The following MIA3 variants were observed in gnomAD, a reference collection of about 807,000 sequenced individuals.
MIA3 encodes the protein transport and Golgi organization protein 1 homolog.
Under a neutral mutation model 192.4 loss-of-function variants are expected in MIA3, and 90 were observed. That is an observed-to-expected ratio of 0.47 (90% CI 0.39 to 0.56). The LOEUF (loss-of-function observed/expected upper bound fraction) is 0.56, where lower values mean the gene tolerates loss of function less well. MIA3 is among the 20% of genes least tolerant of loss of function. The pLI, the probability that MIA3 is intolerant of heterozygous loss-of-function variation, is 0.00. For synonymous variants in MIA3, 740 were observed against 792.8 expected (o/e 0.93, Z 1.12); for missense variants, 2,123 against 2,269.4 (o/e 0.94, Z 1.31).
intron 3 of MIA3, among the ~76,000 whole-genome samples, chr1:222,627,047 C>CA (rs1339674719): frequency 2.0e-5 from 3 of 152,060 alleles, no homozygotes; most frequent in Non-Finnish European, 4.4e-5. Flanking sequence ...CACCTGTGCT[C>CA]AAAACAAAAT....
chr1:222,635,422 G>T (rs115979891), intron 6 of MIA3, among the ~76,000 whole-genome samples: 1 of 152,180 alleles, frequency 6.6e-6, no homozygotes, highest in African/African-American at 2.4e-5. Context: ...ATATAAGGGC[G>T]CAGTGTTATA....
intron 6 of MIA3, among the ~76,000 whole-genome samples, chr1:222,633,808 T>C (rs564982594): frequency 6.6e-6 from 1 of 151,230 alleles, no homozygotes; most frequent in African/African-American, 2.4e-5. Flanking sequence ...AAAAGGTTAT[T>C]TGGGGAAGCC....
At position 222,666,341 on chromosome 1, in the gene MIA3, C is replaced by T. The variant is rs750293057; in HGVS notation, c.*722C>T. ...TTCCCACTTGTATAGCATTCACATG[C>T]TTTCTTTACGATCCTCATTGTCTAT... On this transcript the variant is annotated 3_prime_UTR_variant, in exon 28 of 28. Coordinates refer to ENST00000344922, the MANE Select transcript of MIA3 (RefSeq NM_198551.4). 3 of 152,144 alleles carry T rather than the reference C, an allele frequency of 2.0e-5. No homozygotes were observed. The highest frequency in any genetic ancestry group is 4.8e-5 in the African/African-American group (2 of 41,422). 9.4% of individuals were successfully genotyped at this position (152,144 alleles called of 1,614,324 possible).
At chr1:222,642,289 G>A (rs1662897131) in intron 6 of MIA3, among the ~76,000 whole-genome samples, 1 of 151,812 alleles carries the variant, frequency 6.6e-6, no homozygotes, top group African/African-American at 2.4e-5. Flanking sequence ...TTCCCTCAAA[G>A]CTGTAAAGAA....
Position 222,665,300 on chromosome 1 carries a change from G to A in MIA3, c.5414-9G>A. ...TAGGAATTTACTGGAAATAATTTTT[G>A]TTTTCCAGGCCCTGGTATGCGTCCA... On this transcript the variant is annotated splice_polypyrimidine_tract_variant and intron_variant, in intron 27 of 27. Transcript: ENST00000344922. The A allele has an allele frequency of 6.6e-7, 1 of 1,523,004 alleles. No homozygotes were observed. The highest frequency in any genetic ancestry group is 8.8e-7 in the Non-Finnish European group (1 of 1,134,942). The allele number at this position is 1,523,004 out of a possible 1,614,324, so 94.3% of individuals were successfully genotyped here.
At chr1:222,647,568 A>G (rs1455135727) in intron 7 of MIA3, among the ~76,000 whole-genome samples, 4 of 152,214 alleles carry the variant, frequency 2.6e-5, no homozygotes, top group African/African-American at 7.2e-5. Context: ...TTCTTCAGAT[A>G]AAAAGGGAGA....
At chr1:222,643,668 C>A (rs954349175) in intron 6 of MIA3, among the ~76,000 whole-genome samples, 1 of 152,050 alleles carries the variant, frequency 6.6e-6, no homozygotes, top group Non-Finnish European at 1.5e-5. Flanking sequence ...GTCATATAAC[C>A]TTAAGATGTG....
In MIA3 at chr1:222,629,234, A is replaced by C; in HGVS notation, c.2014A>C (p.Ser672Arg). 6.2e-7 allele frequency: 1 copy of C among 1,614,180 alleles called. No individual in the cohort carries two copies. Among genetic ancestry groups the C allele is most frequent in the Non-Finnish European group, 8.5e-7 (1 of 1,180,026 alleles). ...DVAATASKQM[S>R]EKIRLSEGEA... The stretch of plus-strand genomic sequence containing the variant: ...GGCTGCCACAGCCAGTAAGCAAATG[A>C]GTGAGAAGATAAGGCTCTCTGAGGG... The change falls in exon 4 of 28, where the codon AGT becomes CGT. Residue 672 changes from serine to arginine, a missense_variant. Around this residue, in one of 3 missense-constraint regions of MIA3, gnomAD observed 1,357 missense variants for 1,396.1 expected, o/e 0.97. Transcript: ENST00000344922.
Position 222,628,548 on chromosome 1 carries a change from G to C in MIA3, c.1328G>C (p.Gly443Ala), listed in dbSNP as rs1662232580. The stretch of plus-strand genomic sequence containing the variant: ...AGTGACCCTGACAATGTAGATGATG[G>C]TCTTTTTATTGTAGACATTCCTAAA... ...DYSDPDNVDD[G>A]LFIVDIPKTN... Residue 443 changes from glycine to alanine, a missense_variant, in exon 4 of 28, where the codon GGT (glycine) becomes GCT (alanine). Physicochemically the swap from Gly to Ala is moderately conservative, Grantham distance 60 (BLOSUM62 0). Around this residue, in one of 3 missense-constraint regions of MIA3, gnomAD observed 1,357 missense variants for 1,396.1 expected, o/e 0.97. Coordinates refer to ENST00000344922, the MANE Select transcript of MIA3 (RefSeq NM_198551.4). The C allele has an allele frequency of 6.2e-7, 1 of 1,614,178 alleles. No homozygotes were observed.
rs527835375 is a variant in MIA3 at position 222,630,210 on chromosome 1, G to T, written c.2990G>T (p.Arg997Leu). The change falls in exon 4 of 28, where the codon CGT (arginine) becomes CTT (leucine). Residue 997 changes from arginine (R) to leucine (L), a missense_variant. Coordinates refer to ENST00000344922, the MANE Select transcript of MIA3 (RefSeq NM_198551.4). ...ATAGCAGAAAAAATGCTTGATACTC[G>T]TGTGGCTGAAAATAGAGATCTGGGA... is the stretch of plus-strand genomic sequence containing the variant. ...LSIAEKMLDT[R>L]VAENRDLGMN... 14 of 1,614,168 alleles carry T rather than the reference G, an allele frequency of 8.7e-6. No individual in the cohort carries two copies. The highest frequency in any genetic ancestry group is 4.5e-5 in the East Asian group (2 of 44,890).
rs150776844 is a variant in MIA3, at chr1:222,628,597, C to T, written c.1377C>T (p.Asn459=). 121 of 1,613,868 alleles carry T rather than the reference C, an allele frequency of 7.5e-5. 1 individual carries two copies. In the East Asian group the frequency reaches 7.6e-4, roughly 10 times the overall value. Residue 459 remains asparagine (N), a synonymous_variant, in exon 4 of 28, where the codon AAC becomes AAT. Transcript: ENST00000344922. ...IPKTNNDKEV[N]AEHHIKGKGR... ...AAACAAATAATGACAAAGAAGTAAA[C>T]GCAGAACATCACATTAAAGGAAAAG... is the stretch of plus-strand genomic sequence containing the variant.
intron 6 of MIA3, among the ~76,000 whole-genome samples, chr1:222,640,921 C>G (rs1662824199): frequency 6.6e-6 from 1 of 152,164 alleles, no homozygotes; most frequent in South Asian, 2.1e-4. Flanking sequence ...TAAAATTACA[C>G]TTTACCAAGG....
intron 18 of MIA3, among the ~76,000 whole-genome samples, chr1:222,656,512 G>A (rs146651888): frequency 6.1e-4 from 93 of 151,446 alleles, no homozygotes; most frequent in Admixed American, 1.3e-3. Flanking sequence ...GCTGCCTTTC[G>A]TCATTTTCTT....
chr1:222,648,871 G>T, intron 8 of MIA3, 21 bp downstream of exon 8: 1 of 1,420,666 alleles, frequency 7.0e-7, no homozygotes, highest in East Asian at 2.3e-5. Flanking sequence ...AGGCTTTTTT[G>T]TTATTTGTAC....
At chr1:222,626,278 T>C (rs1662114363) in intron 3 of MIA3, among the ~76,000 whole-genome samples, 2 of 152,202 alleles carry the variant, frequency 1.3e-5, no homozygotes, top group African/African-American at 2.4e-5. Context: ...TATTGCCTGT[T>C]TGGCTTCACT....
In MIA3 at chr1:222,628,068, C is replaced by T; in HGVS notation, c.848C>T (p.Ala283Val). Residue 283 changes from alanine (A) to valine (V), a missense_variant, in exon 4 of 28, where the codon GCT becomes GTT. Coordinates refer to ENST00000344922, the MANE Select transcript of MIA3 (RefSeq NM_198551.4). ...TTGAAAACCAAATTTGGCTCAACAGCTGATGCACTTGTATCTGATGATGAG... is the reference window on the plus strand; with the variant it reads ...TTGAAAACCAAATTTGGCTCAACAGTTGATGCACTTGTATCTGATGATGAG... ...LDLKTKFGST[A>V]DALVSDDETT... The T allele has an allele frequency of 6.2e-7, 1 of 1,614,094 alleles. No homozygotes were observed.
intron 2 of MIA3, among the ~76,000 whole-genome samples, chr1:222,623,395 G>T (rs946354166): frequency 1.5e-4 from 22 of 151,666 alleles, no homozygotes; most frequent in Non-Finnish European, 2.6e-4. Flanking sequence ...CTCTACCTCT[G>T]ATTTGTTTCC....
chr1:222,628,033 G>T lies in MIA3; in HGVS notation c.813G>T (p.Met271Ile), dbSNP rs1662198903. 3 of 1,614,004 alleles carry T rather than the reference G, an allele frequency of 1.9e-6. No individual in the cohort carries two copies. The highest frequency in any genetic ancestry group is 2.2e-5 in the South Asian group (2 of 91,066). The change falls in exon 4 of 28, where the codon ATG (methionine) becomes ATT (isoleucine). Residue 271 changes from methionine (M) to isoleucine (I), a missense_variant. Coordinates refer to ENST00000344922, the MANE Select transcript of MIA3 (RefSeq NM_198551.4). ...CCTATAAACTTTTGAAAAAAGAAAT[G>T]ACTCTAGACTTGAAAACCAAATTTG... The part of the protein sequence containing the change: ...IDAYKLLKKE[M>I]TLDLKTKFGS...
intron 3 of MIA3, among the ~76,000 whole-genome samples, chr1:222,626,705 T>A (rs1034634459): frequency 6.6e-6 from 1 of 152,174 alleles, no homozygotes; most frequent in Admixed American, 6.5e-5. Context: ...TGTGGCAGTA[T>A]GAAAATGGGG....
Sources: gnomAD v4.1 joint callset for allele counts (sites outside exome capture counted in the v4.1 genomes callset) on GRCh38, gnomAD v4.1.1 for gene constraint, gnomAD v4.1.1 regional missense constraint, MANE v1.5 for transcripts, NCBI Gene and HGNC (gene_info 2026-07-23, HGNC 2026-07-21) for gene names.